The following DCLK2 variants were observed in gnomAD, a reference collection of about 807,000 sequenced individuals.
DCLK2 encodes doublecortin like kinase 2.
A neutral mutation model predicts 78.4 loss-of-function variants in DCLK2; 31 were observed. That is an observed-to-expected ratio of 0.40 (90% CI 0.30 to 0.53). The LOEUF (loss-of-function observed/expected upper bound fraction) is 0.53, where lower values mean the gene tolerates loss of function less well. DCLK2 is among the 20% of genes least tolerant of loss of function. DCLK2 has a pLI of 0.61. For missense variants in DCLK2, 872 were observed against 973.7 expected, an observed-to-expected ratio of 0.90 and a Z score of 1.39; for synonymous variants, 407 against 374.9, an observed-to-expected ratio of 1.09 and a Z score of -0.99.
At chr4:150,240,516 T>C (rs1270377876) in intron 12 of DCLK2, 40 bp downstream of exon 12, 1 of 1,592,164 alleles carries the variant, frequency 6.3e-7, no homozygotes, top group South Asian at 1.1e-5. Context: ...ATTGCAAATG[T>C]TCTCCCTTGG....
intron 2 of DCLK2, among the ~76,000 whole-genome samples, chr4:150,104,454 A>G (rs1336445781): frequency 6.6e-6 from 1 of 150,412 alleles, no homozygotes; most frequent in Non-Finnish European, 1.5e-5. Flanking sequence ...TCTAATTGAA[A>G]TAGTAACCAT....
chr4:150,134,267 A>G (rs918125716), intron 2 of DCLK2, among the ~76,000 whole-genome samples: 2 of 151,708 alleles, frequency 1.3e-5, no homozygotes, highest in Admixed American at 1.3e-4. Context: ...TTTTTAGTAG[A>G]GATGCGGTTT....
chr4:150,106,599 G>A (rs765266141), intron 2 of DCLK2, among the ~76,000 whole-genome samples: 11 of 152,096 alleles, frequency 7.2e-5, no homozygotes, highest in African/African-American at 1.7e-4. Context: ...TTTCCTGATC[G>A]TCAACACAAG....
In DCLK2 at chr4:150,198,119, G is replaced by A. The variant is rs1393190952; in HGVS notation, c.961+16G>A. On this transcript the variant is annotated intron_variant, in intron 4 of 15. Transcript: ENST00000296550. ...CCAGCTTCAGGTAGTTAATGGAAAAGGAATAGATGGTCATAGCAGGAACAG... is the reference window on the plus strand; with the variant it reads ...CCAGCTTCAGGTAGTTAATGGAAAAAGAATAGATGGTCATAGCAGGAACAG... 1.3e-6 allele frequency: 2 copies of A among 1,597,548 alleles called. No individual in the cohort carries two copies. Among genetic ancestry groups the A allele is most frequent in the African/African-American group, 1.3e-5 (1 of 74,382 alleles).
At chr4:150,222,731 T>G (rs1309824352) in intron 7 of DCLK2, among the ~76,000 whole-genome samples, 3 of 151,342 alleles carry the variant, frequency 2.0e-5, no homozygotes, top group African/African-American at 7.3e-5. Flanking sequence ...CCAGGTTGGG[T>G]GGCACACGCC....
chr4:150,208,599 AGGGAGG>A (rs977978879), intron 5 of DCLK2, among the ~76,000 whole-genome samples: 3 of 151,798 alleles, frequency 2.0e-5, no homozygotes, highest in African/African-American at 7.3e-5. Context: ...GGAGGGGAAT[AGGGAGG>A]GGGAGGTGTG....
At chr4:150,133,307 A>AG (rs1580565122) in intron 2 of DCLK2, among the ~76,000 whole-genome samples, 2 of 142,146 alleles carry the variant, frequency 1.4e-5, no homozygotes, top group East Asian at 3.9e-4. Flanking sequence ...AGCGCAACTC[A>AG]GATTTTTTAC....
intron 2 of DCLK2, among the ~76,000 whole-genome samples, chr4:150,182,121 C>T (rs529654050): frequency 6.6e-6 from 1 of 151,574 alleles, no homozygotes; most frequent in Non-Finnish European, 1.5e-5. Flanking sequence ...CATCTCGGTT[C>T]GCTGCAGCCT....
chr4:150,256,493 A>G lies in DCLK2; in HGVS notation c.*246A>G, dbSNP rs1255241001. 2.1e-6 allele frequency: 1 copy of G among 480,908 alleles called. No individual in the cohort carries two copies. The highest frequency in any genetic ancestry group is 3.6e-6 in the Non-Finnish European group (1 of 277,844). 29.8% of individuals were successfully genotyped at this position (480,908 alleles called of 1,614,324 possible). A position where few individuals can be genotyped will look rare whatever the true frequency, so the allele number is the denominator to read the frequency against. On this transcript the variant is annotated 3_prime_UTR_variant, in exon 16 of 16. Coordinates refer to ENST00000296550, the MANE Select transcript of DCLK2 (RefSeq NM_001040260.4). ...CCGTTCTGCCAACAGCTGTTCGGAGAGACTCGTTCCAGATCATCCCGTCAT... is the reference window on the plus strand; with the variant it reads ...CCGTTCTGCCAACAGCTGTTCGGAGGGACTCGTTCCAGATCATCCCGTCAT...
chr4:150,172,914 T>G (rs948859580), intron 2 of DCLK2, among the ~76,000 whole-genome samples: 5 of 152,176 alleles, frequency 3.3e-5, no homozygotes, highest in Admixed American at 2.0e-4. Flanking sequence ...CTTGGCTGCT[T>G]CTTAACCCTG....
At chr4:150,186,798 T>G (rs1395605717) in intron 2 of DCLK2, among the ~76,000 whole-genome samples, 1 of 151,856 alleles carries the variant, frequency 6.6e-6, no homozygotes, top group South Asian at 2.1e-4. Flanking sequence ...GAGGCCAGAG[T>G]GAGAGGATCA....
rs539454635 is a variant in DCLK2, at chr4:150,249,466, G to A, written c.1957-102G>A. On this transcript the variant is annotated intron_variant, in intron 14 of 15. Coordinates refer to ENST00000296550, the MANE Select transcript of DCLK2 (RefSeq NM_001040260.4). The stretch of plus-strand genomic sequence containing the variant: ...CTAAGAGGGGCCCATTTAGGAAGAG[G>A]TCAGGAGGGTGGTTGAGGCGGGGAG... 3.7e-5 allele frequency: 33 copies of A among 888,272 alleles called. No homozygotes were observed. In the African/African-American group the frequency reaches 4.1e-4, roughly 11 times the overall value. 55.0% of individuals were successfully genotyped at this position (888,272 alleles called of 1,614,324 possible). A position where few individuals can be genotyped will look rare whatever the true frequency, so the allele number is the denominator to read the frequency against.
intron 2 of DCLK2, among the ~76,000 whole-genome samples, chr4:150,159,662 C>T (rs553360229): frequency 3.9e-5 from 6 of 152,248 alleles, no homozygotes; most frequent in Admixed American, 2.6e-4. Context: ...TCTTCATTGA[C>T]GAAGAGAAGC....
At chr4:150,094,778 C>T (rs1305515145) in intron 1 of DCLK2, among the ~76,000 whole-genome samples, 1 of 152,182 alleles carries the variant, frequency 6.6e-6, no homozygotes. Flanking sequence ...AGGTCCTGTA[C>T]TAGGTGTTGG....
At position 150,170,109 on chromosome 4, in the gene DCLK2, A is replaced by G. The variant is rs745718453; in HGVS notation, c.757-23029A>G. ...ACTCTGACACCCAGGCTTGGAGTACAGTGGCATGATCTTGACTCACTGCAA... is the reference window on the plus strand; with the variant it reads ...ACTCTGACACCCAGGCTTGGAGTACGGTGGCATGATCTTGACTCACTGCAA... On this transcript the variant is annotated intron_variant, in intron 2 of 15. Transcript: ENST00000296550. Among the ~76,000 whole-genome samples, 51 of 152,200 alleles carry G rather than the reference A, an allele frequency of 3.4e-4. 1 individual carries two copies. The highest frequency in any genetic ancestry group is 1.8e-3 in the Admixed American group (28 of 15,284).
At chr4:150,189,401 GA>G (rs1284778709) in intron 2 of DCLK2, among the ~76,000 whole-genome samples, 1 of 152,192 alleles carries the variant, frequency 6.6e-6, no homozygotes, top group Non-Finnish European at 1.5e-5. Context: ...ACTGTAAGTA[GA>G]AAGAGGACCT....
intron 2 of DCLK2, among the ~76,000 whole-genome samples, chr4:150,150,869 A>G (rs1321136627): frequency 6.6e-6 from 1 of 152,228 alleles, no homozygotes; most frequent in Non-Finnish European, 1.5e-5. Context: ...TCCAGCTGAA[A>G]TAAAGGAGGG....
At chr4:150,090,364 C>T (rs1476852652) in intron 1 of DCLK2, among the ~76,000 whole-genome samples, 1 of 152,186 alleles carries the variant, frequency 6.6e-6, no homozygotes, top group Non-Finnish European at 1.5e-5. Flanking sequence ...CAAGATCGCG[C>T]CATTACACTC....
At chr4:150,244,126 G>A (rs188745582) in intron 12 of DCLK2, among the ~76,000 whole-genome samples, 4 of 151,804 alleles carry the variant, frequency 2.6e-5, no homozygotes, top group South Asian at 4.2e-4. Context: ...GTTGAGATGG[G>A]GTCTTGCAGT....
Sources: allele counts gnomAD v4.1 joint callset (sites outside exome capture counted in the v4.1 genomes callset), GRCh38; gene constraint gnomAD v4.1.1; transcripts MANE v1.5; gene names NCBI Gene and HGNC (gene_info 2026-07-23, HGNC 2026-07-21).